The following EDIL3 variants were observed in gnomAD, a reference collection of about 807,000 sequenced individuals.
EDIL3 encodes EGF-like repeat and discoidin I-like domain-containing protein 3.
A neutral mutation model predicts 67.4 loss-of-function variants in EDIL3; 37 were observed. That is an observed-to-expected ratio of 0.55 (90% CI 0.42 to 0.72). The LOEUF is 0.72. EDIL3 is among the 30% of genes least tolerant of loss of function. EDIL3 has a pLI of 0.00. For missense variants in EDIL3, 527 were observed against 586.3 expected, an observed-to-expected ratio of 0.90 and a Z score of 1.04; for synonymous variants, 195 against 196.3, an observed-to-expected ratio of 0.99 and a Z score of 0.05.
chr5:84,003,766 G>A (rs184401883), intron 9 of EDIL3, among the ~76,000 whole-genome samples: 1 of 152,066 alleles, frequency 6.6e-6, no homozygotes, highest in East Asian at 1.9e-4. Flanking sequence ...CTACATGATC[G>A]AGTCTACCTA....
intron 4 of EDIL3, among the ~76,000 whole-genome samples, chr5:84,142,001 T>TCAC (rs1301043051): frequency 1.5e-5 from 1 of 66,070 alleles, no homozygotes; most frequent in Non-Finnish European, 3.3e-5. Flanking sequence ...CTATCTATCA[T>TCAC]ATTGAGCACT....
At chr5:84,181,444 G>A (rs553821889) in intron 3 of EDIL3, among the ~76,000 whole-genome samples, 1 of 152,298 alleles carries the variant, frequency 6.6e-6, no homozygotes, top group South Asian at 2.1e-4. Context: ...TAAACATTCT[G>A]TACTCTGAGG....
At chr5:84,179,262 T>C (rs1047429447) in intron 4 of EDIL3, among the ~76,000 whole-genome samples, 7 of 152,172 alleles carry the variant, frequency 4.6e-5, no homozygotes, top group African/African-American at 1.7e-4. Flanking sequence ...GCAGTGATGC[T>C]AGCTAGCATC....
At chr5:84,266,932 T>A (rs548287201) in intron 1 of EDIL3, among the ~76,000 whole-genome samples, 2 of 152,352 alleles carry the variant, frequency 1.3e-5, no homozygotes, top group East Asian at 3.9e-4. Flanking sequence ...ATACTAAGTG[T>A]TTTATGGGTA....
rs984196041 is a variant in EDIL3 at position 84,073,912 on chromosome 5, A to G, written c.652-7306T>C. Among the ~76,000 whole-genome samples the G allele has an allele frequency of 1.4e-3, 211 of 152,050 alleles. 1 individual carries two copies. Among genetic ancestry groups the G allele is most frequent in the African/African-American group, 4.9e-3 (203 of 41,532 alleles). The stretch of plus-strand genomic sequence containing the variant: ...CAAGTCAATCCTAAGCCAAAAGAAC[A>G]AAGCTGGAGGCATCACGCTACCTGA... On this transcript the variant is annotated intron_variant, in intron 6 of 10. Coordinates refer to ENST00000296591, the MANE Select transcript of EDIL3 (RefSeq NM_005711.5).
At chr5:83,951,016 T>C (rs1744409530) in intron 10 of EDIL3, among the ~76,000 whole-genome samples, 1 of 151,788 alleles carries the variant, frequency 6.6e-6, no homozygotes, top group African/African-American at 2.4e-5. Flanking sequence ...TTGAAAAATC[T>C]AGACCCTGTT....
chr5:83,993,851 C>T (rs755100673), intron 9 of EDIL3, among the ~76,000 whole-genome samples: 6 of 152,160 alleles, frequency 3.9e-5, no homozygotes, highest in Non-Finnish European at 7.4e-5. Context: ...CCCTAGCACC[C>T]ACTCTGTATA....
chr5:84,336,168 T>C (rs185709612), intron 1 of EDIL3, among the ~76,000 whole-genome samples: 1 of 152,282 alleles, frequency 6.6e-6, no homozygotes, highest in Admixed American at 6.5e-5. Flanking sequence ...ATACAATGAA[T>C]GGGTAAGAGA....
intron 6 of EDIL3, among the ~76,000 whole-genome samples, chr5:84,070,693 G>A (rs1294842108): frequency 6.6e-6 from 1 of 151,332 alleles, no homozygotes; most frequent in African/African-American, 2.4e-5. Context: ...GGATTAATGG[G>A]TTCTTGACAA....
intron 10 of EDIL3, among the ~76,000 whole-genome samples, chr5:83,956,615 C>T (rs1744518112): frequency 6.6e-6 from 1 of 151,758 alleles, no homozygotes; most frequent in African/African-American, 2.4e-5. Context: ...TGATACATTT[C>T]ATTCTTGGTC....
intron 1 of EDIL3, among the ~76,000 whole-genome samples, chr5:84,289,762 C>T (rs962960799): frequency 5.9e-5 from 9 of 152,174 alleles, no homozygotes; most frequent in Non-Finnish European, 1.3e-4. Flanking sequence ...TATTCTTTCT[C>T]ACATTATTTG....
intron 9 of EDIL3, among the ~76,000 whole-genome samples, chr5:84,012,657 G>C (rs1475113828): frequency 2.6e-5 from 4 of 152,110 alleles, no homozygotes; most frequent in Admixed American, 6.5e-5. Flanking sequence ...TTTGAGCATA[G>C]TGGAGCACTT....
intron 3 of EDIL3, among the ~76,000 whole-genome samples, chr5:84,218,446 G>C (rs987436510): frequency 1.3e-5 from 2 of 152,208 alleles, no homozygotes; most frequent in African/African-American, 4.8e-5. Flanking sequence ...ATCAGGGATG[G>C]AGGCAGAGCC....
At chr5:84,363,721 AT>A (rs1447813688) in intron 1 of EDIL3, among the ~76,000 whole-genome samples, 1 of 152,072 alleles carries the variant, frequency 6.6e-6, no homozygotes, top group Non-Finnish European at 1.5e-5. Context: ...AGAGGTGACA[AT>A]TTTTTCATGA....
chr5:84,003,971 A>G (rs1298465902), intron 9 of EDIL3, among the ~76,000 whole-genome samples: 1 of 151,890 alleles, frequency 6.6e-6, no homozygotes, highest in Non-Finnish European at 1.5e-5. Flanking sequence ...AGGTAAAAGA[A>G]TGGAGAAAGA....
intron 1 of EDIL3, among the ~76,000 whole-genome samples, chr5:84,304,767 A>G (rs370767937): frequency 1.3e-5 from 2 of 152,230 alleles, no homozygotes; most frequent in African/African-American, 4.8e-5. Context: ...AAGGTGAACA[A>G]ATCTAAGCAG....
intron 1 of EDIL3, among the ~76,000 whole-genome samples, chr5:84,327,803 A>T (rs904629540): frequency 5.9e-5 from 9 of 151,956 alleles, no homozygotes; most frequent in African/African-American, 2.2e-4. Context: ...ATGATTAGGA[A>T]ATCCCAGGGA....
intron 4 of EDIL3, among the ~76,000 whole-genome samples, chr5:84,155,898 T>G (rs1017347361): frequency 6.6e-6 from 1 of 152,212 alleles, no homozygotes. Context: ...AAATGTCTGG[T>G]GAACCTTGAT....
chr5:84,169,246 T>A (rs1287090579), intron 4 of EDIL3, among the ~76,000 whole-genome samples: 1 of 152,128 alleles, frequency 6.6e-6, no homozygotes, highest in Non-Finnish European at 1.5e-5. Flanking sequence ...AATTATAGAT[T>A]CATATCCATT....
Sources: gnomAD v4.1 joint callset for allele counts (sites outside exome capture counted in the v4.1 genomes callset) on GRCh38, gnomAD v4.1.1 for gene constraint, MANE v1.5 for transcripts, NCBI Gene and HGNC (gene_info 2026-07-23, HGNC 2026-07-21) for gene names.